Variants in SVOPL observed in about 807,000 individuals in gnomAD.
SVOPL encodes putative transporter SVOPL.
A neutral mutation model predicts 61.0 loss-of-function variants in SVOPL; 60 were observed. That is an observed-to-expected ratio of 0.98 (90% CI 0.80 to 1.22). SVOPL has a LOEUF of 1.22. Ranked by LOEUF, SVOPL falls within the 50% of genes most tolerant of loss-of-function variation. SVOPL has a pLI of 0.00. For synonymous variants in SVOPL, 279 were observed against 250.0 expected (o/e 1.12, Z -1.09); for missense variants, 662 against 643.9 (o/e 1.03, Z -0.30).
intron 11 of SVOPL, 129 bp from the exon 12 acceptor site, chr7:138,627,590 G>A (rs1463643167): frequency 5.8e-5 from 39 of 675,310 alleles, no homozygotes; most frequent in Non-Finnish European, 6.1e-5. Context: ...GAGTATTCCA[G>A]CCAAAATCCA....
intron 14 of SVOPL, among the ~76,000 whole-genome samples, chr7:138,615,118 G>A (rs1799231853): frequency 6.6e-6 from 1 of 152,096 alleles, no homozygotes; most frequent in Non-Finnish European, 1.5e-5. Flanking sequence ...AGGAATGCCT[G>A]GTGTTATGGA....
intron 15 of SVOPL, among the ~76,000 whole-genome samples, chr7:138,595,926 A>C (rs1584759704): frequency 6.6e-6 from 1 of 152,186 alleles, no homozygotes; most frequent in East Asian, 1.9e-4. Context: ...GGTGGCTCAC[A>C]TCTGTAATTC....
In SVOPL at chr7:138,693,164, G is replaced by C. The variant is rs557893533; in HGVS notation, c.-35+8014C>G. ...CCAAGAAATAAAGTATAATTATATT[G>C]TTTTAATCATAAAAGTAATCACTCA... is the stretch of plus-strand genomic sequence containing the variant. On this transcript the variant is annotated intron_variant, in intron 1 of 15. Transcript: ENST00000674285. Among the ~76,000 whole-genome samples, 5 of 152,176 alleles carry C rather than the reference G, an allele frequency of 3.3e-5. No homozygotes were observed. In the East Asian group the frequency reaches 7.7e-4, roughly 23 times the overall value.
chr7:138,603,544 C>T (rs1346688446), intron 14 of SVOPL, among the ~76,000 whole-genome samples: 3 of 152,116 alleles, frequency 2.0e-5, no homozygotes, highest in Admixed American at 2.0e-4. Context: ...GCTGGGCATG[C>T]ACCTGGGGTC....
chr7:138,598,260 A>C (rs978564358), intron 14 of SVOPL, among the ~76,000 whole-genome samples: 1 of 152,236 alleles, frequency 6.6e-6, no homozygotes, highest in Non-Finnish European at 1.5e-5. Flanking sequence ...ACATGATGAC[A>C]CAAGGGTCAA....
intron 1 of SVOPL, among the ~76,000 whole-genome samples, chr7:138,681,083 AAG>A (rs145369799): frequency 0.029 from 4,445 of 151,624 alleles, 222 homozygotes; most frequent in African/African-American, 0.1. Context: ...TAAGAGGAAA[AAG>A]ATAAATATAA....
At chr7:138,648,938 G>A in intron 8 of SVOPL, 74 bp downstream of exon 8, 2 of 1,595,368 alleles carry the variant, frequency 1.3e-6, no homozygotes, top group Non-Finnish European at 1.7e-6. Flanking sequence ...GAAAATAAAA[G>A]ATATTTGTGG....
At chr7:138,630,951 G>GAAAAAAAAAAAAAAAAAAAAAAA (rs57139655) in intron 9 of SVOPL, among the ~76,000 whole-genome samples, 1 of 76,340 alleles carries the variant, frequency 1.3e-5, no homozygotes, top group Non-Finnish European at 3.2e-5. Context: ...CTCAAAAAAA[G>GAAAAAAAAAAAAAAAAAAAAAAA]AAAAAAAAAA....
intron 14 of SVOPL, among the ~76,000 whole-genome samples, chr7:138,612,429 T>TAAAAAAAAAAAAAAAAAAAAAAAA (rs1799084478): frequency 2.6e-5 from 2 of 78,146 alleles, no homozygotes; most frequent in Non-Finnish European, 2.6e-5. Flanking sequence ...AAAAATAAAA[T>TAAAAAAAAAAAAAAAAAAAAAAAA]AAAAAATAAA....
At chr7:138,605,640 C>CAAA (rs1159063438) in intron 14 of SVOPL, among the ~76,000 whole-genome samples, 5 of 84,272 alleles carry the variant, frequency 5.9e-5, no homozygotes, top group Non-Finnish European at 7.0e-5. Context: ...CTAACCTGGG[C>CAAA]AAAAAAAAAA....
intron 6 of SVOPL, among the ~76,000 whole-genome samples, chr7:138,658,530 G>A (rs1030207338): frequency 6.6e-6 from 1 of 152,140 alleles, no homozygotes; most frequent in African/African-American, 2.4e-5. Flanking sequence ...ATTTGCCTCA[G>A]TTTCCCAAAG....
chr7:138,662,384 T>G lies in SVOPL; in HGVS notation c.345+690A>C, dbSNP rs976031252. The G allele has an allele frequency of 5.1e-6, 5 of 985,082 alleles. No individual in the cohort carries two copies. The Admixed American group carries it at 3.1e-4, about 61-fold the overall frequency. 61.0% of individuals were successfully genotyped at this position (985,082 alleles called of 1,614,324 possible). The stretch of plus-strand genomic sequence containing the variant: ...AAACAGATAGGTGCCTGAGGGTGAG[T>G]TTTCTTGCCCCAAAATTAAGGGAGA... On this transcript the variant is annotated intron_variant, in intron 5 of 15. Coordinates refer to ENST00000674285, the MANE Select transcript of SVOPL (RefSeq NM_001139456.2).
chr7:138,631,417 G>A (rs919333271), intron 9 of SVOPL, among the ~76,000 whole-genome samples: 4 of 152,058 alleles, frequency 2.6e-5, no homozygotes, highest in African/African-American at 9.7e-5. Context: ...CTATCAAATA[G>A]TAAGTCTTAT....
intron 14 of SVOPL, among the ~76,000 whole-genome samples, chr7:138,604,539 T>G (rs1025923851): frequency 6.6e-6 from 1 of 151,864 alleles, no homozygotes; most frequent in African/African-American, 2.4e-5. Flanking sequence ...TAGCCAGGCG[T>G]GGTGGCAGGC....
chr7:138,676,593 G>T (rs757384961), intron 3 of SVOPL, among the ~76,000 whole-genome samples: 16 of 151,498 alleles, frequency 1.1e-4, no homozygotes, highest in Admixed American at 5.9e-4. Context: ...GTTTTGGAAG[G>T]GACACATTCA....
intron 9 of SVOPL, among the ~76,000 whole-genome samples, chr7:138,642,999 G>C (rs1462747267): frequency 6.6e-6 from 1 of 152,028 alleles, no homozygotes; most frequent in Non-Finnish European, 1.5e-5. Context: ...TGGATCCCTT[G>C]TGCACTGTTG....
chr7:138,645,833 T>G, intron 8 of SVOPL: 1 of 161,522 alleles, frequency 6.2e-6, no homozygotes. Context: ...GTTTTGTTTT[T>G]TGAGATGGAG....
intron 7 of SVOPL, among the ~76,000 whole-genome samples, chr7:138,654,760 G>T (rs1057223708): frequency 6.6e-6 from 1 of 151,860 alleles, no homozygotes; most frequent in Admixed American, 6.6e-5. Flanking sequence ...ACTTTGGAAG[G>T]CTGAGGCAGG....
intron 3 of SVOPL, among the ~76,000 whole-genome samples, chr7:138,676,912 T>A (rs1802576306): frequency 7.5e-6 from 1 of 134,176 alleles, no homozygotes; most frequent in African/African-American, 2.9e-5. Context: ...TTTTTTTTTT[T>A]TTTTTTTTTG....
Sources: gnomAD v4.1 joint callset for allele counts (sites outside exome capture counted in the v4.1 genomes callset) on GRCh38, gnomAD v4.1.1 for gene constraint, MANE v1.5 for transcripts, NCBI Gene and HGNC (gene_info 2026-07-23, HGNC 2026-07-21) for gene names.